Variants in MPP2 observed in about 807,000 individuals in gnomAD.
MPP2 encodes MAGUK p55 subfamily member 2.
In MPP2, 42 loss-of-function variants were observed where a neutral mutation model predicts 58.5. That is an observed-to-expected ratio of 0.72 (90% CI 0.56 to 0.93). The LOEUF is 0.93. Ranked by LOEUF, MPP2 falls within the 40% of genes least tolerant of loss-of-function variation. The pLI is 0.00. For synonymous variants in MPP2, 300 were observed against 307.8 expected, an observed-to-expected ratio of 0.97 and a Z score of 0.26; for missense variants, 632 against 760.4, an observed-to-expected ratio of 0.83 and a Z score of 1.99.
At chr17:43,906,218 G>T (rs1567908515) in intron 1 of MPP2, 1 of 841,990 alleles carries the variant, frequency 1.2e-6, no homozygotes, top group East Asian at 1.3e-4. Context: ...CGGAAGTCTT[G>T]CCCAGCCTGC....
At chr17:43,881,747 T>C (rs142936913) in intron 6 of MPP2, among the ~76,000 whole-genome samples, 158 bp from the exon 7 acceptor site, 1 of 152,204 alleles carries the variant, frequency 6.6e-6, no homozygotes, top group East Asian at 1.9e-4. Context: ...TCCTCCCTGG[T>C]GCCAACCTCC....
chr17:43,891,888 G>A (rs1367452477), intron 3 of MPP2, among the ~76,000 whole-genome samples: 1 of 152,154 alleles, frequency 6.6e-6, no homozygotes, highest in East Asian at 1.9e-4. Flanking sequence ...TTCATCTCAT[G>A]TGAATTAGTT....
chr17:43,902,490 G>A (rs963110944), intron 2 of MPP2, among the ~76,000 whole-genome samples: 1 of 152,200 alleles, frequency 6.6e-6, no homozygotes, highest in Non-Finnish European at 1.5e-5. Context: ...AAAGAGGCAG[G>A]GAGACCCCAG....
chr17:43,883,335 C>G lies in MPP2; in HGVS notation c.171G>C (p.Glu57Asp). 1 of 1,612,024 alleles carries G rather than the reference C, an allele frequency of 6.2e-7. No individual in the cohort carries two copies. The highest frequency in any genetic ancestry group is 8.5e-7 in the Non-Finnish European group (1 of 1,179,920). The change falls in exon 4 of 13, where the codon GAG becomes GAC. Residue 57 changes from glutamate to aspartate, a missense_variant. Physicochemically the swap from Glu to Asp is conservative, Grantham distance 45 (BLOSUM62 2). Transcript: ENST00000269095. ...SLAKAHERLE[E>D]TKLEAVRDNN... ...TGTCTCTCACGGCCTCCAGCTTCGT[C>G]TCCTCCAGCCTCTCATGGGCCTGGG...
chr17:43,902,182 A>G (rs2048119410), intron 2 of MPP2, among the ~76,000 whole-genome samples: 1 of 152,192 alleles, frequency 6.6e-6, no homozygotes, highest in African/African-American at 2.4e-5. Flanking sequence ...AGAAGCCAGG[A>G]GCAGCCCCTC....
At chr17:43,886,322 T>A (rs1160360266) in intron 3 of MPP2, among the ~76,000 whole-genome samples, 1 of 151,360 alleles carries the variant, frequency 6.6e-6, no homozygotes, top group Non-Finnish European at 1.5e-5. Context: ...TCTTGCTCTG[T>A]CACCCAGGAT....
chr17:43,906,241 C>G, intron 1 of MPP2: 1 of 680,072 alleles, frequency 1.5e-6, no homozygotes, highest in Non-Finnish European at 1.8e-6. Flanking sequence ...GGGTTTTCTC[C>G]CGGGGAATCG....
chr17:43,897,518 C>A (rs933914176), intron 3 of MPP2, among the ~76,000 whole-genome samples: 3 of 51,510 alleles, frequency 5.8e-5, no homozygotes, highest in Non-Finnish European at 1.7e-4. Flanking sequence ...TAAAGCCTCC[C>A]TGATACTCAC....
At position 43,880,075 on chromosome 17, in the gene MPP2, T is replaced by C; in HGVS notation, c.1151-91A>G. 1 of 1,301,056 alleles carries C rather than the reference T, an allele frequency of 7.7e-7. No homozygotes were observed. Among genetic ancestry groups the C allele is most frequent in the Admixed American group, 1.9e-5 (1 of 52,106 alleles). The allele number at this position is 1,301,056 out of a possible 1,614,324, so 80.6% of individuals were successfully genotyped here. A position where few individuals can be genotyped will look rare whatever the true frequency, so the allele number is the denominator to read the frequency against. The stretch of plus-strand genomic sequence containing the variant: ...ATGCACCCCTACCCAGGCCCCCGTT[T>C]CCCAGCCTTGGAGGTGCAGTCTGCT... On this transcript the variant is annotated intron_variant, in intron 10 of 12. Transcript: ENST00000269095. The surrounding 1 kb of genome is among the most constrained non-coding windows in gnomAD (Gnocchi z 5.2).
chr17:43,883,952 G>C, intron 3 of MPP2: 1 of 581,310 alleles, frequency 1.7e-6, no homozygotes, highest in Non-Finnish European at 3.0e-6. Flanking sequence ...CTTCGCCAGT[G>C]ACCAGCCCAG....
At chr17:43,882,571 T>G (rs2143568875) in intron 5 of MPP2, 60 bp from the exon 6 acceptor site, 3 of 1,512,350 alleles carry the variant, frequency 2.0e-6, no homozygotes, top group Non-Finnish European at 2.7e-6. Flanking sequence ...AATCTTCAAA[T>G]AGTCTCCTAA....
At chr17:43,889,497 G>A (rs1192192822) in intron 3 of MPP2, among the ~76,000 whole-genome samples, 1 of 151,636 alleles carries the variant, frequency 6.6e-6, no homozygotes, top group East Asian at 1.9e-4. Context: ...CGAGTAGCTG[G>A]GATTACAGCA....
At chr17:43,896,813 C>T (rs2047866395) in intron 3 of MPP2, among the ~76,000 whole-genome samples, 1 of 152,086 alleles carries the variant, frequency 6.6e-6, no homozygotes, top group African/African-American at 2.4e-5. Context: ...CCCTAATTCC[C>T]AGGAGAGGAC....
intron 2 of MPP2, among the ~76,000 whole-genome samples, chr17:43,899,668 G>C (rs1237033841): frequency 6.6e-6 from 1 of 152,102 alleles, no homozygotes; most frequent in African/African-American, 2.4e-5. Flanking sequence ...GGAGGCCTTG[G>C]TGTGACCCAA....
intron 3 of MPP2, among the ~76,000 whole-genome samples, chr17:43,889,050 C>T (rs373005964): frequency 4.1e-4 from 62 of 151,920 alleles, no homozygotes; most frequent in African/African-American, 1.4e-3. Context: ...TTCAACCTCC[C>T]GAACAGCTGG....
chr17:43,878,142 G>A (rs1345371460), intron 12 of MPP2, among the ~76,000 whole-genome samples, 159 bp from the exon 13 acceptor site: 1 of 152,142 alleles, frequency 6.6e-6, no homozygotes, highest in Non-Finnish European at 1.5e-5. Context: ...GTGCCTCAAA[G>A]TGGCTCACCA....
intron 3 of MPP2, among the ~76,000 whole-genome samples, chr17:43,888,624 A>C (rs2047468744): frequency 6.6e-6 from 1 of 152,240 alleles, no homozygotes; most frequent in Non-Finnish European, 1.5e-5. Flanking sequence ...TGATGTGAGC[A>C]TTAGAGAAGT....
chr17:43,877,971 T>G lies in MPP2; in HGVS notation c.1495A>C (p.Arg499=). 6.2e-7 allele frequency: 1 copy of G among 1,613,172 alleles called. No individual in the cohort carries two copies. The highest frequency in any genetic ancestry group is 8.5e-7 in the Non-Finnish European group (1 of 1,179,640). ...CGGCTGCTCTCCTCCACTGTCCGTC[T>G]CAGGTCCGCCTCCTGCCCAGGCACA... ...STKQLTEADL[R]RTVEESSRIQ... is the part of the protein sequence containing the mutation. The change falls in exon 13 of 13, where the codon AGA becomes CGA. Residue 499 remains arginine (R), a synonymous_variant. Transcript: ENST00000269095.
Position 43,877,685 on chromosome 17 carries a change from G to A in MPP2, c.*122C>T, listed in dbSNP as rs1567869658. 8 of 862,784 alleles carry A rather than the reference G, an allele frequency of 9.3e-6. 1 individual carries two copies. Among genetic ancestry groups the A allele is most frequent in the Non-Finnish European group, 1.3e-5 (7 of 537,940 alleles). 53.4% of individuals were successfully genotyped at this position (862,784 alleles called of 1,614,324 possible). A position where few individuals can be genotyped will look rare whatever the true frequency, so the allele number is the denominator to read the frequency against. On this transcript the variant is annotated 3_prime_UTR_variant, in exon 13 of 13. Coordinates refer to ENST00000269095, the MANE Select transcript of MPP2 (RefSeq NM_005374.5). The stretch of plus-strand genomic sequence containing the variant: ...CCAGACTTAGGGCCTGCTGGGAGCT[G>A]TTACCCAAGGACAGCCAGATATGGG...
Sources: gnomAD v4.1 joint callset for allele counts (sites outside exome capture counted in the v4.1 genomes callset) on GRCh38, gnomAD v4.1.1 for gene constraint, Gnocchi (gnomAD v3.1) non-coding constraint, MANE v1.5 for transcripts, NCBI Gene and HGNC (gene_info 2026-07-23, HGNC 2026-07-21) for gene names.